NUBPL: variants seen among roughly 807,000 people sequenced by gnomAD.
The protein encoded by NUBPL is iron-sulfur cluster transfer protein NUBPL.
In NUBPL, 31 loss-of-function variants were observed where a neutral mutation model predicts 45.7. The observed-to-expected ratio is 0.68, with a 90% CI of 0.51 to 0.92. The LOEUF is 0.92. Ranked by LOEUF, NUBPL falls within the 40% of genes least tolerant of loss-of-function variation. The probability of loss-of-function intolerance (pLI) is 0.00; values close to 1 mark genes in which losing one functional copy is unlikely to be tolerated. For missense variants in NUBPL, 401 were observed against 398.7 expected, an observed-to-expected ratio of 1.01 and a Z score of -0.05; for synonymous variants, 144 against 140.9, an observed-to-expected ratio of 1.02 and a Z score of -0.15.
chr14:31,605,269 T>C (rs1415488416), intron 4 of NUBPL, among the ~76,000 whole-genome samples: 1 of 152,228 alleles, frequency 6.6e-6, no homozygotes, highest in East Asian at 1.9e-4. Context: ...TCTCTCTTAG[T>C]AGATATTAGT....
At chr14:31,820,543 G>A (rs1467461225) in intron 7 of NUBPL, among the ~76,000 whole-genome samples, 1 of 152,190 alleles carries the variant, frequency 6.6e-6, no homozygotes, top group African/African-American at 2.4e-5. Context: ...AAAATCTGGG[G>A]CCGTGTGCGG....
intron 7 of NUBPL, among the ~76,000 whole-genome samples, chr14:31,799,151 G>A (rs1333474681): frequency 6.6e-6 from 1 of 152,092 alleles, no homozygotes; most frequent in African/African-American, 2.4e-5. Context: ...AATATGTAGA[G>A]GCAGACCTGT....
chr14:31,735,145 C>T (rs1318252190), intron 6 of NUBPL, among the ~76,000 whole-genome samples: 3 of 152,130 alleles, frequency 2.0e-5, no homozygotes, highest in Non-Finnish European at 2.9e-5. Context: ...TACCAAATGT[C>T]CTGGAGTAGG....
At chr14:31,684,337 T>C (rs2036904845) in intron 6 of NUBPL, among the ~76,000 whole-genome samples, 2 of 152,360 alleles carry the variant, frequency 1.3e-5, no homozygotes, top group South Asian at 2.1e-4. Context: ...TTTTAACTTA[T>C]CTTCAATTAA....
intron 6 of NUBPL, among the ~76,000 whole-genome samples, chr14:31,775,259 A>C (rs1328319778): frequency 6.6e-6 from 1 of 152,092 alleles, no homozygotes; most frequent in African/African-American, 2.4e-5. Flanking sequence ...CTCTACTAAG[A>C]ATACAAAAAT....
Position 31,788,353 on chromosome 14 carries a change from G to A in NUBPL, c.607+480G>A, listed in dbSNP as rs114190369. Reference sequence around the variant, plus strand: ...TCAACATTGCAGTTTTCATTGTGTTGGACTCTTTCTTTAAGTTCCTGCCTG... The same window carrying A: ...TCAACATTGCAGTTTTCATTGTGTTAGACTCTTTCTTTAAGTTCCTGCCTG... On this transcript the variant is annotated intron_variant, in intron 7 of 10. Transcript: ENST00000281081. Among the ~76,000 whole-genome samples, 1,248 of 150,474 alleles carry A rather than the reference G, an allele frequency of 8.3e-3. 19 individuals carry two copies. The highest frequency in any genetic ancestry group is 0.029 in the African/African-American group (1,169 of 39,846).
chr14:31,846,428 T>C (rs1262254876), intron 8 of NUBPL, 43 bp from the exon 9 acceptor site: 1 of 1,526,944 alleles, frequency 6.5e-7, no homozygotes, highest in Non-Finnish European at 9.0e-7. Context: ...TGTATTAATA[T>C]TTGGTTTAAT....
Position 31,638,650 on chromosome 14 carries a change from G to A in NUBPL, c.383-34705G>A, listed in dbSNP as rs1409199073. 2.0e-5 allele frequency among the ~76,000 whole-genome samples: 3 copies of A among 152,062 alleles called. No individual in the cohort carries two copies. In the East Asian group the frequency reaches 5.8e-4, roughly 29 times the overall value. The stretch of plus-strand genomic sequence containing the variant: ...AATGTTGGCCTGCCTTGCTAGATTG[G>A]GGAAGTTCTCCAGGATAACATCCTG... On this transcript the variant is annotated intron_variant, in intron 4 of 10. Transcript: ENST00000281081.
chr14:31,680,343 T>A (rs2036801184), intron 6 of NUBPL, among the ~76,000 whole-genome samples: 1 of 152,186 alleles, frequency 6.6e-6, no homozygotes, highest in Non-Finnish European at 1.5e-5. Flanking sequence ...ATTTTGTTGC[T>A]ATGAAAGATG....
intron 10 of NUBPL, among the ~76,000 whole-genome samples, chr14:31,852,785 A>G (rs2040557559): frequency 6.6e-6 from 1 of 152,200 alleles, no homozygotes; most frequent in African/African-American, 2.4e-5. Context: ...ATTGAGGCCT[A>G]GGATCAGAAT....
intron 8 of NUBPL, among the ~76,000 whole-genome samples, chr14:31,834,269 C>T (rs951297688): frequency 2.0e-5 from 3 of 150,996 alleles, no homozygotes; most frequent in Non-Finnish European, 2.9e-5. Context: ...CAACCTCCGC[C>T]TCCTGGGTTC....
intron 7 of NUBPL, among the ~76,000 whole-genome samples, chr14:31,826,401 G>C (rs1250912983): frequency 6.6e-6 from 1 of 152,106 alleles, no homozygotes. Context: ...GATTATAGGT[G>C]TGAGCCACCG....
At chr14:31,697,738 A>C (rs185505933) in intron 6 of NUBPL, among the ~76,000 whole-genome samples, 2 of 152,202 alleles carry the variant, frequency 1.3e-5, no homozygotes, top group Non-Finnish European at 2.9e-5. Context: ...ATTTGAACTG[A>C]GTTAGGATGA....
intron 4 of NUBPL, among the ~76,000 whole-genome samples, chr14:31,645,072 T>G (rs1223479012): frequency 1.1e-5 from 1 of 94,842 alleles, no homozygotes; most frequent in Non-Finnish European, 1.7e-5. Flanking sequence ...TTCTTTTCTT[T>G]TTTTTTTTTT....
At chr14:31,609,286 A>G (rs993712666) in intron 4 of NUBPL, among the ~76,000 whole-genome samples, 2 of 152,204 alleles carry the variant, frequency 1.3e-5, no homozygotes, top group African/African-American at 4.8e-5. Flanking sequence ...CTTACATCAG[A>G]CAAAACAGAT....
rs148062960 is a variant in NUBPL at position 31,642,381 on chromosome 14, A to G, written c.383-30974A>G. Among the ~76,000 whole-genome samples, 333 of 152,288 alleles carry G rather than the reference A, an allele frequency of 2.2e-3. 3 individuals are homozygous for G. Among genetic ancestry groups the G allele is most frequent in the African/African-American group, 7.6e-3 (316 of 41,568 alleles). On this transcript the variant is annotated intron_variant, in intron 4 of 10. Coordinates refer to ENST00000281081, the MANE Select transcript of NUBPL (RefSeq NM_025152.3). Reference sequence around the variant, plus strand: ...TGTACATGGTGAGAAATAGGGGTCTAATTTCATTCTTCCTCATGTGGTTAC... The same window carrying G: ...TGTACATGGTGAGAAATAGGGGTCTGATTTCATTCTTCCTCATGTGGTTAC...
chr14:31,667,809 C>T (rs778426723), intron 4 of NUBPL: 4 of 153,850 alleles, frequency 2.6e-5, no homozygotes, highest in Non-Finnish European at 5.8e-5. Flanking sequence ...CAGTCAGGCT[C>T]CTCTTCTGCA....
chr14:31,632,832 A>G (rs2139666851), intron 4 of NUBPL, among the ~76,000 whole-genome samples: 1 of 152,348 alleles, frequency 6.6e-6, no homozygotes, highest in African/African-American at 2.4e-5. Context: ...TATTTTAAGA[A>G]AAGTATCCAT....
chr14:31,805,068 C>T (rs2039659427), intron 7 of NUBPL, among the ~76,000 whole-genome samples: 1 of 127,674 alleles, frequency 7.8e-6, no homozygotes, highest in Admixed American at 8.2e-5. Flanking sequence ...CATCTATTTA[C>T]AAGACAAAAA....
Sources: gnomAD v4.1 joint callset for allele counts (sites outside exome capture counted in the v4.1 genomes callset) on GRCh38, gnomAD v4.1.1 for gene constraint, MANE v1.5 for transcripts, NCBI Gene and HGNC (gene_info 2026-07-23, HGNC 2026-07-21) for gene names.